Variants in RNF169 observed in about 807,000 individuals in gnomAD.
The protein encoded by RNF169 is ring finger protein 169.
A neutral mutation model predicts 53.9 loss-of-function variants in RNF169; 24 were observed. That is an observed-to-expected ratio of 0.45 (90% CI 0.32 to 0.63). The LOEUF (loss-of-function observed/expected upper bound fraction) is 0.63. Among genes scored for constraint, RNF169 ranks in the 20% least tolerant of loss-of-function variants. The pLI, the probability that RNF169 is intolerant of heterozygous loss-of-function variation, is 0.04. For synonymous variants in RNF169, 396 were observed against 363.5 expected, an observed-to-expected ratio of 1.09 and a Z score of -1.02; for missense variants, 883 against 906.2, an observed-to-expected ratio of 0.97 and a Z score of 0.33.
chr11:74,840,646 T>C lies in RNF169; in HGVS notation c.*3916T>C, dbSNP rs986061192. 2.0e-5 allele frequency: 3 copies of C among 152,204 alleles called. No individual in the cohort carries two copies. Among genetic ancestry groups the C allele is most frequent in the African/African-American group, 7.2e-5 (3 of 41,452 alleles). 9.4% of individuals were successfully genotyped at this position (152,204 alleles called of 1,614,324 possible). On this transcript the variant is annotated 3_prime_UTR_variant, in exon 6 of 6. Transcript: ENST00000299563. The stretch of plus-strand genomic sequence containing the variant: ...CAGCAACTTGGGATTCCTTTCCTTT[T>C]TCCTGCCTAACTTTTCATTGAAATG...
intron 1 of RNF169, among the ~76,000 whole-genome samples, chr11:74,752,630 C>T (rs913329640): frequency 2.0e-5 from 3 of 151,748 alleles, no homozygotes; most frequent in African/African-American, 7.3e-5. Context: ...TTTGTTCTTC[C>T]ACAGTTTATG....
rs187527210 is a variant in RNF169 at position 74,833,736 on chromosome 11, A to G, written c.843-940A>G. 2.3e-3 allele frequency among the ~76,000 whole-genome samples: 354 copies of G among 152,304 alleles called. 2 individuals carry two copies. Among genetic ancestry groups the G allele is most frequent in the Admixed American group, 4.1e-3 (62 of 15,288 alleles). The stretch of plus-strand genomic sequence containing the variant: ...TTGGTGAACAGACATATATTTAGGC[A>G]AGAGTTGAGGAATGGGGAAACAAAG... On this transcript the variant is annotated intron_variant, in intron 4 of 5. Transcript: ENST00000299563.
At chr11:74,793,834 A>C (rs959178138) in intron 2 of RNF169, among the ~76,000 whole-genome samples, 2 of 152,154 alleles carry the variant, frequency 1.3e-5, no homozygotes, top group South Asian at 4.1e-4. Context: ...ATTAGAGCAA[A>C]ATATGAAAGT....
At chr11:74,787,216 C>G (rs1170041646) in intron 1 of RNF169, among the ~76,000 whole-genome samples, 4 of 152,078 alleles carry the variant, frequency 2.6e-5, no homozygotes, top group Non-Finnish European at 5.9e-5. Context: ...ATTAATATAA[C>G]TACATAAAAA....
At chr11:74,779,540 A>G (rs1331383637) in intron 1 of RNF169, among the ~76,000 whole-genome samples, 2 of 152,178 alleles carry the variant, frequency 1.3e-5, no homozygotes, top group Non-Finnish European at 2.9e-5. Context: ...GCTATCATCT[A>G]TATTCTTGGA....
At chr11:74,835,439 C>A in intron 5 of RNF169, 107 bp from the exon 6 acceptor site, 2 of 822,522 alleles carry the variant, frequency 2.4e-6, no homozygotes, top group South Asian at 1.7e-5. Context: ...CCCTTCATCC[C>A]TTTTCTTGTC....
At position 74,841,414 on chromosome 11, in the gene RNF169, T is replaced by A. The variant is rs7104291; in HGVS notation, c.*4684T>A. The A allele has an allele frequency of 1.3e-5, 2 of 152,110 alleles. No homozygotes were observed. Among genetic ancestry groups the A allele is most frequent in the Admixed American group, 6.5e-5 (1 of 15,288 alleles). The allele number at this position is 152,110 out of a possible 1,614,324, so 9.4% of individuals were successfully genotyped here. On this transcript the variant is annotated 3_prime_UTR_variant, in exon 6 of 6. Transcript: ENST00000299563. ...AGCTGCTGTAGCTTTCTGAAGAAGA[T>A]TGTAGAAAAGAGACTAAGATATATG...
At chr11:74,749,426 G>T in intron 1 of RNF169, 44 bp downstream of exon 1, 3 of 1,108,298 alleles carry the variant, frequency 2.7e-6, no homozygotes, top group South Asian at 3.9e-5. Flanking sequence ...GCGAGGCCGA[G>T]CGCGCCCCGG....
rs1234341171 is a variant in RNF169, at chr11:74,836,130, A to G, written c.1527A>G (p.Gln509=). Residue 509 remains glutamine (Q), a synonymous_variant, in exon 6 of 6, where the codon CAA becomes CAG. Transcript: ENST00000299563. The part of the protein sequence containing the change: ...ADLDHFPSVS[Q]TKAEQDSDNK... ...TTGATCATTTCCCCTCTGTTAGCCA[A>G]ACAAAAGCAGAACAGGACAGTGATA... The G allele has an allele frequency of 3.7e-6, 6 of 1,614,044 alleles. No individual in the cohort carries two copies. The highest frequency in any genetic ancestry group is 1.7e-5 in the Admixed American group (1 of 60,000).
chr11:74,762,122 A>C (rs2035094181), intron 1 of RNF169, among the ~76,000 whole-genome samples: 1 of 145,560 alleles, frequency 6.9e-6, no homozygotes, highest in Non-Finnish European at 1.5e-5. Flanking sequence ...TGCATTCTTC[A>C]TGTAGTTCTC....
rs564966653 is a variant in RNF169, at chr11:74,770,779, C to T, written c.503-18847C>T. Reference sequence around the variant, plus strand: ...CCCATTGTTTCTTCCTGTTTTTGCACGTTACCACATGCATTTTTCGTTTTG... The same window carrying T: ...CCCATTGTTTCTTCCTGTTTTTGCATGTTACCACATGCATTTTTCGTTTTG... On this transcript the variant is annotated intron_variant, in intron 1 of 5. Transcript: ENST00000299563. 5.3e-5 allele frequency among the ~76,000 whole-genome samples: 8 copies of T among 152,166 alleles called. No individual in the cohort carries two copies. In the East Asian group the frequency reaches 5.8e-4, roughly 11 times the overall value.
rs573316907 is a variant in RNF169 at position 74,755,918 on chromosome 11, G to C, written c.502+6536G>C. ...AGAATTTTGGACTTTATCCTATAAA[G>C]CTCTTAAAGATTTTTAAGTGGTGGA... On this transcript the variant is annotated intron_variant, in intron 1 of 5. Transcript: ENST00000299563. Among the ~76,000 whole-genome samples, 19 of 152,268 alleles carry C rather than the reference G, an allele frequency of 1.2e-4. 1 individual carries two copies. In the East Asian group the frequency reaches 3.1e-3, roughly 25 times the overall value.
At chr11:74,803,713 A>G (rs1159895193) in intron 2 of RNF169, among the ~76,000 whole-genome samples, 2 of 152,246 alleles carry the variant, frequency 1.3e-5, no homozygotes, top group Non-Finnish European at 2.9e-5. Context: ...TTTGGTTTTT[A>G]TAATATTCAA....
chr11:74,750,686 G>A (rs1011004972), intron 1 of RNF169, among the ~76,000 whole-genome samples: 1 of 130,056 alleles, frequency 7.7e-6, no homozygotes, highest in African/African-American at 2.9e-5. Context: ...CAGCCTCTGT[G>A]CACCACCCCT....
At position 74,752,595 on chromosome 11, in the gene RNF169, CA is replaced by C. The variant is rs371908528; in HGVS notation, c.502+3229del. On this transcript the variant is annotated intron_variant, in intron 1 of 5. Transcript: ENST00000299563. ...CTGGTGGCAGAGCAAGACTCTGTCT[CA>C]AAAAAAAAAAAAAAAGATTCTTGTT... 9.4e-3 allele frequency among the ~76,000 whole-genome samples: 1,053 copies of C among 111,814 alleles called. 4 individuals carry two copies. Among genetic ancestry groups the C allele is most frequent in the African/African-American group, 0.025 (771 of 31,372 alleles). 73.4% of individuals were successfully genotyped at this position (111,814 alleles called of 152,430 possible). A position where few individuals can be genotyped will look rare whatever the true frequency, so the allele number is the denominator to read the frequency against.
At chr11:74,809,458 C>T (rs2035846116) in intron 2 of RNF169, among the ~76,000 whole-genome samples, 1 of 152,132 alleles carries the variant, frequency 6.6e-6, no homozygotes, top group Admixed American at 6.5e-5. Context: ...GTTTTCATTC[C>T]AAAGCCCATG....
At chr11:74,791,164 G>A (rs1420951761) in intron 2 of RNF169, among the ~76,000 whole-genome samples, 1 of 152,104 alleles carries the variant, frequency 6.6e-6, no homozygotes, top group African/African-American at 2.4e-5. Context: ...CAGCTGAGAG[G>A]AGATCCACAG....
chr11:74,825,871 G>T (rs2036088139), intron 4 of RNF169, among the ~76,000 whole-genome samples: 1 of 152,152 alleles, frequency 6.6e-6, no homozygotes, highest in Admixed American at 6.5e-5. Flanking sequence ...CCGAGACTAG[G>T]TAATTTATAA....
rs143614227 is a variant in RNF169 at position 74,841,716 on chromosome 11, G to GT, written c.*4988dup. 6.6e-6 allele frequency: 1 copy of GT among 152,318 alleles called. No individual in the cohort carries two copies. Among genetic ancestry groups the GT allele is most frequent in the African/African-American group, 2.4e-5 (1 of 41,578 alleles). 9.4% of individuals were successfully genotyped at this position (152,318 alleles called of 1,614,324 possible). On this transcript the variant is annotated 3_prime_UTR_variant, in exon 6 of 6. Transcript: ENST00000299563. ...TTGAAGCCAAGGCAAAGCAAGGTTT[G>GT]TTCATCTTCCTTTCCTGTCATTTAA...
Sources: allele counts gnomAD v4.1 joint callset (sites outside exome capture counted in the v4.1 genomes callset), GRCh38; gene constraint gnomAD v4.1.1; transcripts MANE v1.5; gene names NCBI Gene and HGNC (gene_info 2026-07-23, HGNC 2026-07-21).